Variants in GSG1L observed in about 807,000 individuals in gnomAD.
The protein encoded by GSG1L is germ cell-specific gene 1-like protein.
In GSG1L, 24 loss-of-function variants were observed where a neutral mutation model predicts 42.1. The observed-to-expected ratio is 0.57, with a 90% CI of 0.41 to 0.80. The LOEUF (loss-of-function observed/expected upper bound fraction) is 0.80, where lower values mean the gene tolerates loss of function less well. GSG1L is among the 30% of genes least tolerant of loss of function. GSG1L has a pLI of 0.00. For synonymous variants in GSG1L, 215 were observed against 203.5 expected (o/e 1.06, Z -0.48); for missense variants, 445 against 472.2 (o/e 0.94, Z 0.53).
At chr16:27,979,240 G>C (rs2085285890) in intron 1 of GSG1L, among the ~76,000 whole-genome samples, 1 of 152,012 alleles carries the variant, frequency 6.6e-6, no homozygotes. Context: ...CTTGAGCCCA[G>C]ACTAGACAAC....
At chr16:27,806,418 C>A (rs2082962877) in intron 6 of GSG1L, among the ~76,000 whole-genome samples, 2 of 152,204 alleles carry the variant, frequency 1.3e-5, no homozygotes, top group Non-Finnish European at 1.5e-5. Context: ...AGTTTGGATT[C>A]CCCAGCAGCA....
intron 2 of GSG1L, among the ~76,000 whole-genome samples, chr16:27,927,906 A>T (rs2084613337): frequency 6.6e-6 from 1 of 152,186 alleles, no homozygotes; most frequent in African/African-American, 2.4e-5. Flanking sequence ...AGTGGCCTGG[A>T]CATCAGCATT....
intron 2 of GSG1L, among the ~76,000 whole-genome samples, chr16:27,897,934 C>T (rs11644117): frequency 0.066 from 10,048 of 152,330 alleles, 442 homozygotes; most frequent in Admixed American, 0.11. Context: ...CCTCTGTAAA[C>T]GGCAGCCTAT....
rs187651689 is a variant in GSG1L, at chr16:27,810,400, A to G, written c.831-2846T>C. Among the ~76,000 whole-genome samples, 15 of 152,272 alleles carry G rather than the reference A, an allele frequency of 9.9e-5. No homozygotes were observed. In the East Asian group the frequency reaches 2.9e-3, roughly 29 times the overall value. ...TGGGAGGATCACTTGAGCCCAGGAG[A>G]CAGAGGCTACGGTGAGCCATGATCT... On this transcript the variant is annotated intron_variant, in intron 5 of 6. Coordinates refer to ENST00000447459, the MANE Select transcript of GSG1L (RefSeq NM_001109763.2).
At chr16:27,887,335 C>T (rs1466488821) in intron 2 of GSG1L, among the ~76,000 whole-genome samples, 1 of 152,194 alleles carries the variant, frequency 6.6e-6, no homozygotes, top group Non-Finnish European at 1.5e-5. Flanking sequence ...ACAGCAAGAG[C>T]CTTCCTGAGA....
chr16:27,961,493 G>A (rs2085071765), intron 2 of GSG1L, among the ~76,000 whole-genome samples: 2 of 152,226 alleles, frequency 1.3e-5, no homozygotes, highest in Non-Finnish European at 2.9e-5. Context: ...CATGAGGTGT[G>A]AGACCTAAGT....
intron 4 of GSG1L, among the ~76,000 whole-genome samples, chr16:27,840,645 G>A (rs1012369764): frequency 3.3e-5 from 5 of 152,118 alleles, no homozygotes; most frequent in African/African-American, 4.8e-5. Context: ...CACCTCCCGC[G>A]GTTCATGCCT....
At chr16:27,841,808 G>A (rs1231697964) in intron 4 of GSG1L, among the ~76,000 whole-genome samples, 1 of 152,162 alleles carries the variant, frequency 6.6e-6, no homozygotes, top group East Asian at 1.9e-4. Context: ...GAGCAGGGCA[G>A]AAATCCCTGG....
intron 4 of GSG1L, among the ~76,000 whole-genome samples, chr16:27,829,402 G>A (rs150860267): frequency 9.3e-4 from 141 of 152,290 alleles, no homozygotes; most frequent in Non-Finnish European, 1.8e-3. Context: ...GCAGAAGTGA[G>A]GATGCATGAG....
At chr16:27,894,815 G>A (rs2084171824) in intron 2 of GSG1L, among the ~76,000 whole-genome samples, 1 of 152,198 alleles carries the variant, frequency 6.6e-6, no homozygotes, top group African/African-American at 2.4e-5. Context: ...CCATGTCACA[G>A]AGTAAGTCAG....
chr16:28,061,855 A>G (rs1488806311), intron 1 of GSG1L, among the ~76,000 whole-genome samples: 1 of 152,190 alleles, frequency 6.6e-6, no homozygotes, highest in Non-Finnish European at 1.5e-5. Context: ...CCCCTGAAGA[A>G]GGAGGTGGGG....
At chr16:27,918,518 G>T (rs895952162) in intron 2 of GSG1L, among the ~76,000 whole-genome samples, 2 of 152,004 alleles carry the variant, frequency 1.3e-5, no homozygotes, top group African/African-American at 4.8e-5. Context: ...AATTAGTCAG[G>T]CATGGTGGCG....
chr16:27,899,281 C>T (rs1177890726), intron 2 of GSG1L, among the ~76,000 whole-genome samples: 3 of 152,316 alleles, frequency 2.0e-5, no homozygotes, highest in Admixed American at 6.5e-5. Flanking sequence ...TTTAAGGGCA[C>T]GGCCTGGGGA....
At chr16:27,857,517 G>A (rs1321633959) in intron 3 of GSG1L, among the ~76,000 whole-genome samples, 1 of 151,240 alleles carries the variant, frequency 6.6e-6, no homozygotes, top group Non-Finnish European at 1.5e-5. Flanking sequence ...CAAGGCAGGA[G>A]GATCACTTGA....
rs756813833 is a variant in GSG1L, at chr16:27,807,567, A to G, written c.831-13T>C. 1.9e-6 allele frequency: 3 copies of G among 1,604,546 alleles called. No homozygotes were observed. Among genetic ancestry groups the G allele is most frequent in the Non-Finnish European group, 2.5e-6 (3 of 1,177,938 alleles). On this transcript the variant is annotated splice_polypyrimidine_tract_variant and intron_variant, in intron 5 of 6. Coordinates refer to ENST00000447459, the MANE Select transcript of GSG1L (RefSeq NM_001109763.2). ...CCTCTTCTCCATCCTGGAAAGAAAA[A>G]AAAACAAAAACAAAATCCTAGGTAG... is the stretch of plus-strand genomic sequence containing the variant.
In GSG1L at chr16:27,884,521, A is replaced by C. The variant is rs1302477344; in HGVS notation, c.515T>G (p.Leu172Arg). Reference sequence around the variant, plus strand: ...CGTGAAGACAGCCGCGAAGGCATTGAGCTTGAGCCCGTCGATGACATTGCT... The same window carrying C: ...CGTGAAGACAGCCGCGAAGGCATTGCGCTTGAGCCCGTCGATGACATTGCT... ...HSSNVIDGLK[L>R]NAFAAVFTVL... Residue 172 changes from leucine (L) to arginine (R), a missense_variant, in exon 3 of 7, where the codon CTC becomes CGC. Physicochemically the swap from Leu to Arg is moderately radical, Grantham distance 102. Transcript: ENST00000447459. The surrounding 1 kb of genome is among the most constrained non-coding windows in gnomAD (Gnocchi z 4.4). 6.2e-7 allele frequency: 1 copy of C among 1,613,932 alleles called. No individual in the cohort carries two copies. The highest frequency in any genetic ancestry group is 2.2e-5 in the East Asian group (1 of 44,876).
intron 1 of GSG1L, among the ~76,000 whole-genome samples, chr16:27,971,082 C>G (rs2085188320): frequency 6.6e-6 from 1 of 152,142 alleles, no homozygotes; most frequent in African/African-American, 2.4e-5. Flanking sequence ...AATGTGGGTT[C>G]TTCAACTTTG....
intron 1 of GSG1L, among the ~76,000 whole-genome samples, chr16:28,045,347 A>T (rs979597510): frequency 1.3e-5 from 2 of 152,194 alleles, no homozygotes; most frequent in Non-Finnish European, 2.9e-5. Flanking sequence ...TCGATACTCC[A>T]TGCTCAATTT....
intron 2 of GSG1L, among the ~76,000 whole-genome samples, chr16:27,894,379 G>A (rs1057464257): frequency 2.0e-5 from 3 of 152,214 alleles, no homozygotes; most frequent in Non-Finnish European, 4.4e-5. Context: ...TCAGCCACTG[G>A]ACAAATAAAA....
Sources: gnomAD v4.1 joint callset for allele counts (sites outside exome capture counted in the v4.1 genomes callset) on GRCh38, gnomAD v4.1.1 for gene constraint, Gnocchi (gnomAD v3.1) non-coding constraint, MANE v1.5 for transcripts, NCBI Gene and HGNC (gene_info 2026-07-23, HGNC 2026-07-21) for gene names.